Variants in ITPR2 observed in about 807,000 individuals in gnomAD.
ITPR2 encodes the protein inositol 1,4,5-trisphosphate-gated calcium channel ITPR2.
A neutral mutation model predicts 317.1 loss-of-function variants in ITPR2; 207 were observed. The ratio of observed to expected loss-of-function variants is 0.65; its 90% CI spans 0.58 to 0.73. The LOEUF (loss-of-function observed/expected upper bound fraction) is 0.73, where lower values mean the gene tolerates loss of function less well. ITPR2 is among the 30% of genes least tolerant of loss of function. The pLI is 0.00. For missense variants in ITPR2, 2,613 were observed against 3,284.0 expected (o/e 0.80, Z 4.99); for synonymous variants, 1,156 against 1,149.1 (o/e 1.01, Z -0.12).
Position 26,393,916 on chromosome 12 carries a change from T to C in ITPR2, c.7696+4960A>G, listed in dbSNP as rs192798302. Among the ~76,000 whole-genome samples the C allele has an allele frequency of 3.5e-3, 526 of 152,268 alleles. 8 individuals are homozygous for C. The highest frequency in any genetic ancestry group is 0.012 in the African/African-American group (506 of 41,534). ...TTGTAGATTATAAGTCAGACAAGTATAGAGACAATATCAGCCTGAGGCTGA... is the reference window on the plus strand; with the variant it reads ...TTGTAGATTATAAGTCAGACAAGTACAGAGACAATATCAGCCTGAGGCTGA... On this transcript the variant is annotated intron_variant, in intron 54 of 56. Coordinates refer to ENST00000381340, the MANE Select transcript of ITPR2 (RefSeq NM_002223.4).
chr12:26,558,843 T>C (rs749303156), intron 35 of ITPR2, among the ~76,000 whole-genome samples: 7 of 152,190 alleles, frequency 4.6e-5, no homozygotes, highest in Non-Finnish European at 7.3e-5. Flanking sequence ...CACTTAGGTA[T>C]CTAAATAGGC....
intron 37 of ITPR2, among the ~76,000 whole-genome samples, chr12:26,534,774 A>T (rs895264257): frequency 1.3e-5 from 2 of 152,230 alleles, no homozygotes; most frequent in African/African-American, 4.8e-5. Context: ...TGGTTTACTA[A>T]GAAAGAAAAG....
intron 2 of ITPR2, among the ~76,000 whole-genome samples, chr12:26,727,189 T>C (rs1207340271): frequency 6.6e-6 from 1 of 152,216 alleles, no homozygotes; most frequent in Non-Finnish European, 1.5e-5. Flanking sequence ...TCCTGTATCT[T>C]AGCAACTACA....
At chr12:26,544,499 T>C (rs957416489) in intron 37 of ITPR2, among the ~76,000 whole-genome samples, 21 of 152,024 alleles carry the variant, frequency 1.4e-4, no homozygotes, top group African/African-American at 4.8e-4. Flanking sequence ...AAAGGACATT[T>C]GGTTCAACCA....
intron 2 of ITPR2, among the ~76,000 whole-genome samples, chr12:26,776,726 C>T (rs1027532752): frequency 1.3e-5 from 2 of 152,182 alleles, no homozygotes; most frequent in Non-Finnish European, 2.9e-5. Flanking sequence ...TCAACCTTTC[C>T]ACCTTTGTCT....
At chr12:26,351,259 C>T (rs1237721023) in intron 55 of ITPR2, among the ~76,000 whole-genome samples, 1 of 152,176 alleles carries the variant, frequency 6.6e-6, no homozygotes, top group Non-Finnish European at 1.5e-5. Flanking sequence ...CAGCCATCAG[C>T]CAGCTGATTC....
At chr12:26,363,735 T>G (rs1331399275) in intron 55 of ITPR2, among the ~76,000 whole-genome samples, 2 of 151,820 alleles carry the variant, frequency 1.3e-5, no homozygotes, top group African/African-American at 4.8e-5. Flanking sequence ...AACCTGCACA[T>G]GTATCCCAGC....
At chr12:26,743,814 C>G (rs556332041) in intron 2 of ITPR2, among the ~76,000 whole-genome samples, 1 of 152,186 alleles carries the variant, frequency 6.6e-6, no homozygotes, top group Non-Finnish European at 1.5e-5. Flanking sequence ...TCACTTGAAC[C>G]CGGGAGGCGG....
chr12:26,346,334 T>A (rs1441888400), intron 55 of ITPR2, among the ~76,000 whole-genome samples: 1 of 152,172 alleles, frequency 6.6e-6, no homozygotes, highest in Non-Finnish European at 1.5e-5. Flanking sequence ...AAAAGTCAGC[T>A]GCGCTGGGCC....
intron 2 of ITPR2, among the ~76,000 whole-genome samples, chr12:26,751,798 A>T (rs1193141663): frequency 6.6e-6 from 1 of 151,906 alleles, no homozygotes; most frequent in East Asian, 1.9e-4. Context: ...CCTGGGAGGC[A>T]GAGGTTGCAA....
At chr12:26,496,910 C>CCGCAG (rs1942945057) in intron 37 of ITPR2, among the ~76,000 whole-genome samples, 4 of 147,662 alleles carry the variant, frequency 2.7e-5, no homozygotes, top group Admixed American at 1.4e-4. Context: ...TGACACTGCA[C>CCGCAG]TCCAGCCTGG....
At chr12:26,598,306 G>A (rs1945900913) in intron 30 of ITPR2, among the ~76,000 whole-genome samples, 1 of 152,164 alleles carries the variant, frequency 6.6e-6, no homozygotes, top group Non-Finnish European at 1.5e-5. Flanking sequence ...TAAGTGGCAG[G>A]AGGGACTCCT....
At chr12:26,620,056 C>T (rs1946458148) in intron 26 of ITPR2, among the ~76,000 whole-genome samples, 1 of 152,212 alleles carries the variant, frequency 6.6e-6, no homozygotes, top group Admixed American at 6.5e-5. Context: ...TGGCATTCAG[C>T]AAGCATTCCC....
At chr12:26,431,510 C>A (rs1260740764) in intron 48 of ITPR2, among the ~76,000 whole-genome samples, 1 of 152,174 alleles carries the variant, frequency 6.6e-6, no homozygotes. Flanking sequence ...ATCAGCCAAA[C>A]AAAGAAACCC....
At chr12:26,737,014 G>A (rs1949131952) in intron 2 of ITPR2, among the ~76,000 whole-genome samples, 1 of 152,162 alleles carries the variant, frequency 6.6e-6, no homozygotes, top group South Asian at 2.1e-4. Context: ...ACTTCTACAT[G>A]TAAACGAGGG....
intron 13 of ITPR2, among the ~76,000 whole-genome samples, chr12:26,672,837 A>AGC (rs1947815890): frequency 6.6e-6 from 1 of 152,048 alleles, no homozygotes; most frequent in Non-Finnish European, 1.5e-5. Context: ...AGAAGAATCA[A>AGC]ATAGACGCAA....
chr12:26,471,612 G>A (rs1253551709), intron 45 of ITPR2, among the ~76,000 whole-genome samples: 1 of 152,140 alleles, frequency 6.6e-6, no homozygotes, highest in Non-Finnish European at 1.5e-5. Flanking sequence ...AAGGCCAAAA[G>A]AGATGTCATG....
At chr12:26,552,698 G>A (rs968756971) in intron 36 of ITPR2, among the ~76,000 whole-genome samples, 113 of 152,140 alleles carry the variant, frequency 7.4e-4, no homozygotes, top group African/African-American at 2.6e-3. Flanking sequence ...TTTCTTTCAC[G>A]CAACACTTTT....
chr12:26,688,519 A>C, intron 10 of ITPR2, among the ~76,000 whole-genome samples: 1 of 152,170 alleles, frequency 6.6e-6, no homozygotes, highest in Non-Finnish European at 1.5e-5. Context: ...GGAAAAAGAA[A>C]GGGGAGGAAG....
Sources: allele counts gnomAD v4.1 joint callset (sites outside exome capture counted in the v4.1 genomes callset), GRCh38; gene constraint gnomAD v4.1.1; transcripts MANE v1.5; gene names NCBI Gene and HGNC (gene_info 2026-07-23, HGNC 2026-07-21).